Variants in AKAP13 observed in about 807,000 individuals in gnomAD.
AKAP13 encodes the protein A-kinase anchoring protein 13, also known as A-kinase anchor protein 13.
AKAP13 carries 80 observed loss-of-function variants against 264.5 expected under a neutral mutation model. The observed-to-expected ratio is 0.30, with a 90% CI of 0.25 to 0.36. AKAP13 has a LOEUF of 0.36. Among genes scored for constraint, AKAP13 ranks in the 10% least tolerant of loss-of-function variants. AKAP13 has a pLI of 1.00. For missense variants in AKAP13, 3,712 were observed against 3,435.2 expected (o/e 1.08, Z -2.01); for synonymous variants, 1,380 against 1,250.2 (o/e 1.10, Z -2.19).
At chr15:85,578,867 G>A in intron 6 of AKAP13, 63 bp from the exon 7 acceptor site, 3 of 1,522,426 alleles carry the variant, frequency 2.0e-6, no homozygotes, top group Non-Finnish European at 2.7e-6. Context: ...TTTTTGCTCA[G>A]AGGTGTCAGT....
At chr15:85,710,320 C>T (rs967739797) in intron 18 of AKAP13, 7 of 330,368 alleles carry the variant, frequency 2.1e-5, no homozygotes, top group African/African-American at 6.3e-5. Flanking sequence ...ACCCTTAAAT[C>T]GTCTTAAAGG....
At chr15:85,673,329 G>A (rs548953856) in intron 14 of AKAP13, among the ~76,000 whole-genome samples, 3 of 152,270 alleles carry the variant, frequency 2.0e-5, no homozygotes, top group African/African-American at 7.2e-5. Context: ...CACAGAGGAC[G>A]GGAAAAGCTG....
chr15:85,676,960 T>C (rs1266773263), intron 14 of AKAP13: 1 of 985,382 alleles, frequency 1.0e-6, no homozygotes, highest in Non-Finnish European at 1.2e-6. Flanking sequence ...ATGTCTTCTG[T>C]GAACCTCCTT....
At chr15:85,428,687 C>G (rs2072901696) in intron 1 of AKAP13, among the ~76,000 whole-genome samples, 1 of 152,156 alleles carries the variant, frequency 6.6e-6, no homozygotes, top group Non-Finnish European at 1.5e-5. Context: ...ATTTCTTGGC[C>G]TTACACTCAC....
chr15:85,652,118 G>C (rs1158004457), intron 10 of AKAP13, among the ~76,000 whole-genome samples: 4 of 152,186 alleles, frequency 2.6e-5, no homozygotes, highest in African/African-American at 9.7e-5. Flanking sequence ...TGAGATCAGA[G>C]TTAAAAGCAC....
intron 1 of AKAP13, among the ~76,000 whole-genome samples, chr15:85,431,325 T>C (rs1392218465): frequency 6.6e-6 from 1 of 152,212 alleles, no homozygotes; most frequent in Admixed American, 6.5e-5. Flanking sequence ...GCTGAACTCT[T>C]TACATTCATA....
intron 8 of AKAP13, among the ~76,000 whole-genome samples, chr15:85,607,038 C>T (rs376924010): frequency 5.9e-5 from 9 of 151,662 alleles, no homozygotes; most frequent in East Asian, 1.9e-4. Context: ...TTCCCTTTGC[C>T]TCAGATGAAG....
intron 16 of AKAP13, chr15:85,691,956 A>T: frequency 2.2e-6 from 1 of 455,830 alleles, no homozygotes; most frequent in Non-Finnish European, 4.4e-6. Flanking sequence ...CTCAGGGTAG[A>T]GGAGTGAGCT....
intron 6 of AKAP13, among the ~76,000 whole-genome samples, chr15:85,578,077 G>A (rs1300006707): frequency 6.6e-6 from 1 of 152,172 alleles, no homozygotes; most frequent in Non-Finnish European, 1.5e-5. Flanking sequence ...AGGCTCAGGT[G>A]TTGGAGAACA....
intron 8 of AKAP13, among the ~76,000 whole-genome samples, chr15:85,609,575 TGA>T (rs2080508952): frequency 6.6e-6 from 1 of 152,206 alleles, no homozygotes; most frequent in Non-Finnish European, 1.5e-5. Flanking sequence ...ATACTAAACA[TGA>T]GAGTGAATAC....
chr15:85,628,062 C>T (rs1416138243), intron 8 of AKAP13, among the ~76,000 whole-genome samples: 1 of 152,152 alleles, frequency 6.6e-6, no homozygotes, highest in East Asian at 1.9e-4. Context: ...TATTGTATTA[C>T]ACAAATTAAT....
intron 7 of AKAP13, chr15:85,582,907 T>G: frequency 4.1e-6 from 4 of 985,478 alleles, no homozygotes; most frequent in Non-Finnish European, 4.8e-6. Context: ...CTGAGCAGAT[T>G]GCTCACACAG....
chr15:85,744,317 C>T (rs764577756), intron 36 of AKAP13: 26 of 352,160 alleles, frequency 7.4e-5, no homozygotes, highest in Non-Finnish European at 1.2e-4. Context: ...ACCACTTTTT[C>T]CCCTGAATCC....
At chr15:85,431,018 T>G (rs1014539105) in intron 1 of AKAP13, among the ~76,000 whole-genome samples, 6 of 152,214 alleles carry the variant, frequency 3.9e-5, no homozygotes, top group African/African-American at 1.4e-4. Flanking sequence ...GGTAAGCGGC[T>G]GTAGGTTGTT....
intron 3 of AKAP13, among the ~76,000 whole-genome samples, chr15:85,522,335 G>T (rs2076850982): frequency 6.6e-6 from 1 of 152,130 alleles, no homozygotes; most frequent in Non-Finnish European, 1.5e-5. Flanking sequence ...TATCTAGAAA[G>T]GGCATATAAG....
intron 4 of AKAP13, chr15:85,534,700 A>AG (rs1378526965): frequency 6.6e-6 from 1 of 151,974 alleles, no homozygotes; most frequent in Non-Finnish European, 1.5e-5. Context: ...GGCCTCCCAA[A>AG]GTGCTGGGAT....
At chr15:85,572,972 A>G (rs567393472) in intron 5 of AKAP13, among the ~76,000 whole-genome samples, 4 of 152,320 alleles carry the variant, frequency 2.6e-5, no homozygotes, top group Admixed American at 2.6e-4. Flanking sequence ...TTCTAGCTTC[A>G]TCCATTTCTC....
At chr15:85,665,636 G>A (rs1243536726) in intron 13 of AKAP13, among the ~76,000 whole-genome samples, 3 of 152,042 alleles carry the variant, frequency 2.0e-5, no homozygotes, top group African/African-American at 4.8e-5. Context: ...CCATTAACTC[G>A]TCATTTACAT....
intron 1 of AKAP13, among the ~76,000 whole-genome samples, chr15:85,478,830 T>C (rs1851798007): frequency 2.1e-5 from 2 of 97,548 alleles, no homozygotes; most frequent in South Asian, 5.9e-4. Context: ...CAGACACATA[T>C]TATGAGTCTT....
Sources: gnomAD v4.1 joint callset for allele counts (sites outside exome capture counted in the v4.1 genomes callset) on GRCh38, gnomAD v4.1.1 for gene constraint, MANE v1.5 for transcripts, NCBI Gene and HGNC (gene_info 2026-07-23, HGNC 2026-07-21) for gene names.